Variants in EP300 observed in about 807,000 individuals in gnomAD.
EP300 encodes histone acetyltransferase p300.
Under a neutral mutation model 264.0 loss-of-function variants are expected in EP300, and 31 were observed. That is an observed-to-expected ratio of 0.12 (90% CI 0.09 to 0.16). EP300 has a LOEUF of 0.16. EP300 is among the 10% of genes least tolerant of loss of function. The pLI is 1.00. For missense variants in EP300, 2,766 were observed against 3,052.9 expected (o/e 0.91, Z 2.21); for synonymous variants, 1,340 against 1,045.4 (o/e 1.28, Z -5.44).
At chr22:41,154,790 C>A in intron 16 of EP300, among the ~76,000 whole-genome samples, 1 of 152,072 alleles carries the variant, frequency 6.6e-6, no homozygotes, top group Non-Finnish European at 1.5e-5. Context: ...TGATAAGACA[C>A]AATGTTTTTT....
At chr22:41,131,728 T>C (rs988976772) in intron 6 of EP300, 95 bp downstream of exon 6, 12 of 1,574,836 alleles carry the variant, frequency 7.6e-6, no homozygotes, top group Non-Finnish European at 5.2e-6. Flanking sequence ...TTTTTTCTGC[T>C]ACATGATTTT....
intron 3 of EP300, 130 bp from the exon 4 acceptor site, chr22:41,127,357 T>C (rs2058888878): frequency 7.6e-6 from 9 of 1,180,258 alleles, no homozygotes; most frequent in Non-Finnish European, 1.1e-5. Context: ...GCATTCCCTG[T>C]GTCAAAAAAT....
intron 16 of EP300, among the ~76,000 whole-genome samples, chr22:41,153,005 T>C (rs6002268): frequency 0.62 from 94,828 of 152,032 alleles, 30,049 homozygotes; most frequent in East Asian, 0.83. Context: ...ATCCACCCGC[T>C]TCGAGCTCCC....
chr22:41,124,890 T>C (rs2058871988), intron 2 of EP300, among the ~76,000 whole-genome samples: 1 of 152,174 alleles, frequency 6.6e-6, no homozygotes, highest in Admixed American at 6.5e-5. Flanking sequence ...ATTTTGATCT[T>C]AATCTTGAAA....
At chr22:41,102,019 TTTTTC>T (rs1310065772) in intron 1 of EP300, among the ~76,000 whole-genome samples, 5 of 148,698 alleles carry the variant, frequency 3.4e-5, no homozygotes, top group Non-Finnish European at 3.0e-5. Context: ...CTGTTGCTTT[TTTTTC>T]TTTTCTTTTT....
intron 7 of EP300, among the ~76,000 whole-genome samples, chr22:41,137,317 A>G (rs1164564109): frequency 1.4e-5 from 2 of 145,538 alleles, no homozygotes; most frequent in African/African-American, 2.5e-5. Flanking sequence ...GGATTGCACC[A>G]CTACAGTCCA....
chr22:41,120,225 A>C (rs1251775254), intron 2 of EP300, among the ~76,000 whole-genome samples: 2 of 152,202 alleles, frequency 1.3e-5, no homozygotes, highest in African/African-American at 4.8e-5. Context: ...ATGTAGGTTT[A>C]GGATAAGATA....
intron 26 of EP300, 87 bp from the exon 27 acceptor site, chr22:41,170,319 A>AT (rs2145766106): frequency 7.7e-7 from 1 of 1,290,752 alleles, no homozygotes; most frequent in South Asian, 1.2e-5. Flanking sequence ...ATTGGTATCT[A>AT]TATCAACTCC....
intron 30 of EP300, 113 bp downstream of exon 30, chr22:41,176,641 T>C: frequency 1.2e-6 from 2 of 1,607,562 alleles, no homozygotes; most frequent in South Asian, 1.1e-5. Flanking sequence ...TGGCCTCGTG[T>C]TTGAGGGGCA....
intron 27 of EP300, among the ~76,000 whole-genome samples, 161 bp downstream of exon 27, chr22:41,170,732 G>C (rs2059165084): frequency 7.2e-6 from 1 of 139,152 alleles, no homozygotes; most frequent in African/African-American, 2.8e-5. Flanking sequence ...CACGATTTTG[G>C]CTCACTTCAA....
At chr22:41,115,836 G>A (rs1283089218) in intron 1 of EP300, among the ~76,000 whole-genome samples, 1 of 152,176 alleles carries the variant, frequency 6.6e-6, no homozygotes, top group African/African-American at 2.4e-5. Context: ...CAAAAACTCC[G>A]CCTGTTAAAG....
intron 5 of EP300, among the ~76,000 whole-genome samples, chr22:41,130,682 T>A (rs1182222770): frequency 6.6e-6 from 1 of 152,230 alleles, no homozygotes; most frequent in Non-Finnish European, 1.5e-5. Flanking sequence ...TAAAGACCGT[T>A]GCTTTGGCAT....
chr22:41,164,234 A>G (rs1360843031), intron 22 of EP300, 104 bp downstream of exon 22: 10 of 1,106,140 alleles, frequency 9.0e-6, no homozygotes, highest in African/African-American at 4.6e-5. Flanking sequence ...CAAAGTTACT[A>G]TCTTTAAATT....
chr22:41,097,110 A>G, intron 1 of EP300, among the ~76,000 whole-genome samples: 1 of 152,172 alleles, frequency 6.6e-6, no homozygotes, highest in East Asian at 1.9e-4. Context: ...TTAGTGAGGC[A>G]TTTCTCTCCT....
chr22:41,137,788 A>G lies in EP300; in HGVS notation c.1758A>G (p.Lys586=), dbSNP rs772939911. Residue 586 remains lysine, a splice_region_variant and synonymous_variant, in exon 8 of 31, where the codon AAA becomes AAG. Transcript: ENST00000263253. ...ATCTTCGAAATCATCTTGTTCACAA[A>G]CTGTAAGTAAGATTGTGGACACGTC... is the stretch of plus-strand genomic sequence containing the variant. The part of the protein sequence containing the change: ...TQDLRNHLVH[K]LVQAIFPTPD... 1 of 1,614,180 alleles carries G rather than the reference A, an allele frequency of 6.2e-7. No individual in the cohort carries two copies. Among genetic ancestry groups the G allele is most frequent in the Non-Finnish European group, 8.5e-7 (1 of 1,180,016 alleles).
At chr22:41,138,486 A>G (rs1027294048) in intron 8 of EP300, among the ~76,000 whole-genome samples, 4 of 152,064 alleles carry the variant, frequency 2.6e-5, no homozygotes, top group Non-Finnish European at 5.9e-5. Context: ...TATTATGTAA[A>G]AATCTGGTAG....
At position 41,179,151 on chromosome 22, in the gene EP300, A is replaced by G; in HGVS notation, c.*195A>G. 1 of 647,728 alleles carries G rather than the reference A, an allele frequency of 1.5e-6. No homozygotes were observed. The highest frequency in any genetic ancestry group is 2.8e-5 in the East Asian group (1 of 35,976). The allele number at this position is 647,728 out of a possible 1,614,324, so 40.1% of individuals were successfully genotyped here. On this transcript the variant is annotated 3_prime_UTR_variant, in exon 31 of 31. Coordinates refer to ENST00000263253, the MANE Select transcript of EP300 (RefSeq NM_001429.4). Reference sequence around the variant, plus strand: ...CCTGAGGGATGATAGAATACAAAGAATATATTTTTGTTATGGCTGGTTACC... The same window carrying G: ...CCTGAGGGATGATAGAATACAAAGAGTATATTTTTGTTATGGCTGGTTACC...
At position 41,150,070 on chromosome 22, in the gene EP300, G is replaced by C. The variant is rs1375233087; in HGVS notation, c.2689G>C (p.Val897Leu). ...TPPTTQLPQQ[V>L]QPSLPAAPSA... ...ACCAACAACACAACTTCCCCAACAA[G>C]TGCAGCCTTCACTTCCTGCTGCACC... Residue 897 changes from valine to leucine, a missense_variant, in exon 14 of 31, where the codon GTG becomes CTG. Physicochemically the swap from Val to Leu is conservative, Grantham distance 32. Coordinates refer to ENST00000263253, the MANE Select transcript of EP300 (RefSeq NM_001429.4). 1 of 1,613,770 alleles carries C rather than the reference G, an allele frequency of 6.2e-7. No individual in the cohort carries two copies. The highest frequency in any genetic ancestry group is 8.5e-7 in the Non-Finnish European group (1 of 1,180,030).
intron 2 of EP300, 45 bp downstream of exon 2, chr22:41,117,866 G>A (rs369487347): frequency 6.2e-7 from 1 of 1,611,962 alleles, no homozygotes; most frequent in South Asian, 1.1e-5. Flanking sequence ...ATGCATGTGA[G>A]TATTGTCATG....
Sources: allele counts gnomAD v4.1 joint callset (sites outside exome capture counted in the v4.1 genomes callset), GRCh38; gene constraint gnomAD v4.1.1; transcripts MANE v1.5; gene names NCBI Gene and HGNC (gene_info 2026-07-23, HGNC 2026-07-21).